The following ABCA4 variants were observed in gnomAD, a reference collection of about 807,000 sequenced individuals.
ABCA4 encodes ATP binding cassette subfamily A member 4.
A neutral mutation model predicts 263.7 loss-of-function variants in ABCA4; 196 were observed. The ratio of observed to expected loss-of-function variants is 0.74; its 90% CI spans 0.66 to 0.84. The LOEUF is 0.84. Ranked by LOEUF, ABCA4 falls within the 40% of genes least tolerant of loss-of-function variation. ABCA4 has a pLI of 0.00. For missense variants in ABCA4, 2,792 were observed against 2,855.1 expected (o/e 0.98, Z 0.50); for synonymous variants, 1,133 against 1,094.2 (o/e 1.04, Z -0.70).
rs768807569 is a variant in ABCA4 at position 94,037,179 on chromosome 1, C to T, written c.3779G>A (p.Ser1260Asn). 6.2e-7 allele frequency: 1 copy of T among 1,614,196 alleles called. No individual in the cohort carries two copies. Among genetic ancestry groups the T allele is most frequent in the East Asian group, 2.2e-5 (1 of 44,880 alleles). ...GGGAGTGTCAGAAATTCCAAAACTG[C>T]TGAGACCAAGGTCAGCCAGCGTCTC... ...LEETLADLGL[S>N]SFGISDTPLE... The change falls in exon 25 of 50, where the codon AGC becomes AAC. Residue 1260 changes from serine to asparagine, a missense_variant. Ser to Asn is a conservative substitution (Grantham distance 46, BLOSUM62 1). Transcript: ENST00000370225.
chr1:94,094,268 C>T (rs916294841), intron 6 of ABCA4, among the ~76,000 whole-genome samples: 1 of 152,124 alleles, frequency 6.6e-6, no homozygotes, highest in Admixed American at 6.5e-5. Flanking sequence ...AGGGGGCGGT[C>T]CACCCACGCT....
At chr1:93,993,295 T>C in intron 49 of ABCA4, 53 bp from the exon 50 acceptor site, 1 of 1,612,490 alleles carries the variant, frequency 6.2e-7, no homozygotes, top group Non-Finnish European at 8.5e-7. Context: ...TGAGATGCTG[T>C]ACTACTTTTA....
chr1:94,069,426 G>A (rs560662754), intron 11 of ABCA4, among the ~76,000 whole-genome samples: 56 of 152,332 alleles, frequency 3.7e-4, no homozygotes, highest in African/African-American at 1.1e-3. Context: ...TCCAGGACGT[G>A]CTAGGAGTGA....
rs372113943 is a variant in ABCA4 at position 93,996,080 on chromosome 1, G to A, written c.6816+29C>T. On this transcript the variant is annotated intron_variant, in intron 49 of 49. Coordinates refer to ENST00000370225, the MANE Select transcript of ABCA4 (RefSeq NM_000350.3). The stretch of plus-strand genomic sequence containing the variant: ...GCTCTGAGCCAAGGAACTGCCTCAA[G>A]CTGTGGACTGCATAAGCAGCAGGGG... The A allele has an allele frequency of 7.5e-6, 12 of 1,604,456 alleles. No individual in the cohort carries two copies. The African/African-American group carries it at 1.5e-4, about 20-fold the overall frequency.
rs1288847102 is a variant in ABCA4 at position 94,056,607 on chromosome 1, C to A, written c.2376G>T (p.Lys792Asn). ...WQDRMTAELK[K>N]AVSLLSPVAF... Reference sequence around the variant, plus strand: ...GCCAGCCCAAGGGCCTCACCACAGCCTTCTTCAGCTCAGCGGTCATGCGGT... The same window carrying A: ...GCCAGCCCAAGGGCCTCACCACAGCATTCTTCAGCTCAGCGGTCATGCGGT... Residue 792 changes from lysine (K) to asparagine (N), a missense_variant, in exon 15 of 50, where the codon AAG becomes AAT. Transcript: ENST00000370225. The A allele has an allele frequency of 9.9e-6, 16 of 1,612,774 alleles. No individual in the cohort carries two copies. Among genetic ancestry groups the A allele is most frequent in the Non-Finnish European group, 1.3e-5 (15 of 1,179,974 alleles).
chr1:94,046,473 A>AAAAAAAAAAAAAAG (rs71094277), intron 19 of ABCA4, among the ~76,000 whole-genome samples: 24 of 120,826 alleles, frequency 2.0e-4, no homozygotes, highest in Non-Finnish European at 3.1e-4. Context: ...AAAAAAAAAA[A>AAAAAAAAAAAAAAG]AAAGAAAAGA....
At chr1:94,118,575 TC>T (rs1468716916) in intron 1 of ABCA4, among the ~76,000 whole-genome samples, 2 of 152,164 alleles carry the variant, frequency 1.3e-5, no homozygotes, top group African/African-American at 4.8e-5. Context: ...TACCCAGACA[TC>T]CTGGAAGCTC....
intron 6 of ABCA4, among the ~76,000 whole-genome samples, chr1:94,086,871 A>C (rs1661845686): frequency 6.6e-6 from 1 of 152,210 alleles, no homozygotes; most frequent in Admixed American, 6.5e-5. Flanking sequence ...CGAGATCAGC[A>C]CTGTCTTAGT....
At chr1:94,077,943 G>A in intron 10 of ABCA4, 56 bp from the exon 11 acceptor site, 1 of 1,539,440 alleles carries the variant, frequency 6.5e-7, no homozygotes, top group Non-Finnish European at 9.0e-7. Context: ...AGGATCTTTG[G>A]TCTTGTTCTT....
At chr1:94,075,713 T>C (rs1661521203) in intron 11 of ABCA4, among the ~76,000 whole-genome samples, 1 of 152,140 alleles carries the variant, frequency 6.6e-6, no homozygotes, top group Non-Finnish European at 1.5e-5. Context: ...GCCCCTACCT[T>C]CCAACAGTTC....
At chr1:93,994,106 G>A (rs772783001) in intron 49 of ABCA4, among the ~76,000 whole-genome samples, 1 of 152,166 alleles carries the variant, frequency 6.6e-6, no homozygotes, top group African/African-American at 2.4e-5. Flanking sequence ...TTATATGGGG[G>A]AACTGGAACA....
chr1:94,073,272 C>T (rs369961735), intron 11 of ABCA4, among the ~76,000 whole-genome samples: 1 of 152,196 alleles, frequency 6.6e-6, no homozygotes, highest in Admixed American at 6.5e-5. Flanking sequence ...CCTCCTCCCC[C>T]ACCCCAAGGG....
intron 38 of ABCA4, among the ~76,000 whole-genome samples, chr1:94,013,371 T>C (rs1481656597): frequency 2.0e-5 from 3 of 152,164 alleles, no homozygotes; most frequent in Non-Finnish European, 4.4e-5. Flanking sequence ...GGGCGGTTCA[T>C]GGTGGGGCCT....
At chr1:94,119,227 G>T (rs1662882852) in intron 1 of ABCA4, among the ~76,000 whole-genome samples, 1 of 152,122 alleles carries the variant, frequency 6.6e-6, no homozygotes, top group African/African-American at 2.4e-5. Flanking sequence ...GCTCCTAGAA[G>T]AAAGGACTGA....
chr1:94,084,491 C>T (rs765679806), intron 6 of ABCA4, among the ~76,000 whole-genome samples: 1 of 152,226 alleles, frequency 6.6e-6, no homozygotes, highest in Non-Finnish European at 1.5e-5. Context: ...TCATTTGTAG[C>T]TGTGTGTCTT....
intron 1 of ABCA4, among the ~76,000 whole-genome samples, chr1:94,117,671 G>T (rs1407881136): frequency 6.6e-6 from 1 of 152,074 alleles, no homozygotes; most frequent in African/African-American, 2.4e-5. Context: ...AACTCCTTGG[G>T]AAGTCTTCTC....
At chr1:94,110,936 G>A (rs931657166) in intron 3 of ABCA4, among the ~76,000 whole-genome samples, 3 of 152,166 alleles carry the variant, frequency 2.0e-5, no homozygotes, top group Non-Finnish European at 4.4e-5. Context: ...AGAGGATTTG[G>A]AAATTGTATT....
Position 94,000,985 on chromosome 1 carries a change from C to T in ABCA4, c.6386+17G>A. The T allele has an allele frequency of 6.2e-7, 1 of 1,614,074 alleles. No individual in the cohort carries two copies. The highest frequency in any genetic ancestry group is 8.5e-7 in the Non-Finnish European group (1 of 1,179,916). On this transcript the variant is annotated intron_variant, in intron 46 of 49. Transcript: ENST00000370225. ...GAGGATTCCCACCCACCTTCCCCAGCCCTGGGAATCTCTTGCCTGTGGGAT... is the reference window on the plus strand; with the variant it reads ...GAGGATTCCCACCCACCTTCCCCAGTCCTGGGAATCTCTTGCCTGTGGGAT...
intron 45 of ABCA4, chr1:94,001,612 A>C (rs1659185304): frequency 1.5e-6 from 1 of 667,392 alleles, no homozygotes. Context: ...ATGGCCCCAC[A>C]GGAGACATCC....
Sources: allele counts gnomAD v4.1 joint callset (sites outside exome capture counted in the v4.1 genomes callset), GRCh38; gene constraint gnomAD v4.1.1; transcripts MANE v1.5; gene names NCBI Gene and HGNC (gene_info 2026-07-23, HGNC 2026-07-21).